The following MAP3K15 variants were observed in gnomAD, a reference collection of about 807,000 sequenced individuals.
MAP3K15 encodes the protein mitogen-activated protein kinase kinase kinase 15, also known as MAPK/ERK kinase kinase 15.
In MAP3K15, 124 loss-of-function variants were observed where a neutral mutation model predicts 99.5. That is an observed-to-expected ratio of 1.25 (90% CI 1.08 to 1.45). MAP3K15 has a LOEUF of 1.45. Ranked by LOEUF, MAP3K15 falls within the 40% of genes most tolerant of loss-of-function variation. MAP3K15 has a pLI of 0.00. For missense variants in MAP3K15, 1,242 were observed against 1,079.7 expected (o/e 1.15, Z -2.11); for synonymous variants, 494 against 439.6 (o/e 1.12, Z -1.55).
Position 19,407,503 on chromosome X carries a change from G to T in MAP3K15, c.1749-220C>A, listed in dbSNP as rs184560056. ...TGTATTTATCAACTGACCTTAATAT[G>T]AACTTACTCTTAATATAATTCAGTG... is the stretch of plus-strand genomic sequence containing the variant. On this transcript the variant is annotated intron_variant, in intron 12 of 28. Transcript: ENST00000338883. Among the ~76,000 whole-genome samples the T allele has an allele frequency of 4.7e-4, 53 of 111,706 alleles. 1 individual carries two copies. The highest frequency in any genetic ancestry group is 1.9e-4 in the Non-Finnish European group (10 of 53,188).
chrX:19,382,845 T>G (rs1203967747), intron 18 of MAP3K15, among the ~76,000 whole-genome samples: 2 of 112,420 alleles, frequency 1.8e-5, no homozygotes, highest in Admixed American at 1.9e-4. Flanking sequence ...GATCCGATAC[T>G]GTGCTGCTTA....
chrX:19,393,658 G>T (rs1338837752), intron 16 of MAP3K15, among the ~76,000 whole-genome samples: 4 of 105,567 alleles, frequency 3.8e-5, no homozygotes, highest in African/African-American at 1.4e-4. Flanking sequence ...AGAAAAAGCA[G>T]CAATGGACGA....
intron 6 of MAP3K15, among the ~76,000 whole-genome samples, chrX:19,451,701 A>G (rs956227448): frequency 1.6e-4 from 18 of 110,108 alleles, no homozygotes; most frequent in South Asian, 3.9e-4. Flanking sequence ...AGGATTGGAG[A>G]AACTGTACAC....
intron 18 of MAP3K15, among the ~76,000 whole-genome samples, chrX:19,384,749 GAAAAAAAAAAAAAAAAA>G (rs34619145): frequency 4.0e-4 from 9 of 22,559 alleles, no homozygotes; most frequent in Admixed American, 1.3e-3. Context: ...TGTCTCAGGG[GAAAAAAAAAAAAAAAAA>G]AAAAAAAAAA....
chrX:19,443,318 C>A (rs2063973402), intron 6 of MAP3K15, among the ~76,000 whole-genome samples: 1 of 111,371 alleles, frequency 9.0e-6, no homozygotes, highest in Non-Finnish European at 1.9e-5. Context: ...CAGGCATGAG[C>A]CACTGCGCCC....
chrX:19,397,435 A>T (rs571397942), intron 15 of MAP3K15, among the ~76,000 whole-genome samples: 1 of 111,348 alleles, frequency 9.0e-6, no homozygotes, highest in East Asian at 2.8e-4. Context: ...ATAACCCAGT[A>T]ATATTTAAAA....
chrX:19,426,818 C>CAAAAAAAAAAAAAA lies in MAP3K15; in HGVS notation c.1167-489_1167-476dup, dbSNP rs746106862. Among the ~76,000 whole-genome samples, 70 of 21,147 alleles carry CAAAAAAAAAAAAAA rather than the reference C, an allele frequency of 3.3e-3. 9 individuals are homozygous for CAAAAAAAAAAAAAA. Among genetic ancestry groups the CAAAAAAAAAAAAAA allele is most frequent in the Middle Eastern group, 0.042 (1 of 24 alleles). The allele number at this position is 21,147 out of a possible 115,157, so 18.4% of individuals were successfully genotyped here. On this transcript the variant is annotated intron_variant, in intron 7 of 28. Transcript: ENST00000338883. Reference sequence around the variant, plus strand: ...GGGTGACAGAGCGAGAATCTGTCTCCAAAAAAAAAAAAAAAAAAAAAAAAA... The same window carrying CAAAAAAAAAAAAAA: ...GGGTGACAGAGCGAGAATCTGTCTCCAAAAAAAAAAAAAAAAAAAAAAAAAAAAAAAAAAAAAAA...
intron 6 of MAP3K15, among the ~76,000 whole-genome samples, chrX:19,456,616 A>G (rs2064094984): frequency 8.9e-6 from 1 of 112,209 alleles, no homozygotes; most frequent in Non-Finnish European, 1.9e-5. Flanking sequence ...ACTGACTGCA[A>G]ATTTTACCGA....
At chrX:19,422,353 A>G (rs1314701453) in intron 9 of MAP3K15, among the ~76,000 whole-genome samples, 1 of 112,061 alleles carries the variant, frequency 8.9e-6, no homozygotes, top group Non-Finnish European at 1.9e-5. Context: ...AAACAATCCC[A>G]TCAAAAAGTG....
At chrX:19,370,649 G>A (rs1040632415) in intron 24 of MAP3K15, among the ~76,000 whole-genome samples, 4 of 107,455 alleles carry the variant, frequency 3.7e-5, no homozygotes, top group Admixed American at 1.0e-4. Flanking sequence ...TGCCCACCTC[G>A]TCCTCCCAAA....
intron 18 of MAP3K15, among the ~76,000 whole-genome samples, chrX:19,391,674 C>CAAAAAAAAAAAAAAAAAAAAA (rs759061873): frequency 1.2e-3 from 34 of 28,324 alleles, no homozygotes; most frequent in East Asian, 2.5e-3. Context: ...GACCCCGTCT[C>CAAAAAAAAAAAAAAAAAAAAA]AAAAAAAAAA....
rs945776661 is a variant in MAP3K15, at chrX:19,373,651, G to A, written c.2818C>T (p.Pro940Ser). 2.5e-6 allele frequency: 3 copies of A among 1,201,467 alleles called. No individual in the cohort carries two copies. The East Asian group carries it at 8.9e-5, about 36-fold the overall frequency. ...VVLALPTQGE[P>S]MATSSSEHGS... ...TGCTCGCTGCTGCTGGTGGCCATGG[G>A]CTCTCCCTGTGTGGGCAGGGCCAGG... The change falls in exon 21 of 29, where the codon CCC (proline) becomes TCC (serine). Residue 940 changes from proline (P) to serine (S), a missense_variant. Coordinates refer to ENST00000338883, the MANE Select transcript of MAP3K15 (RefSeq NM_001001671.4).
At chrX:19,462,416 A>G (rs2064139234) in intron 4 of MAP3K15, among the ~76,000 whole-genome samples, 1 of 112,352 alleles carries the variant, frequency 8.9e-6, no homozygotes. Flanking sequence ...CACTAATTGA[A>G]TGAGTCATTA....
intron 4 of MAP3K15, among the ~76,000 whole-genome samples, chrX:19,463,813 A>G (rs2064147154): frequency 9.0e-6 from 1 of 111,298 alleles, no homozygotes; most frequent in South Asian, 3.8e-4. Flanking sequence ...TTGCTGAGAT[A>G]TATGAAGAGC....
intron 3 of MAP3K15, among the ~76,000 whole-genome samples, chrX:19,481,313 A>G (rs2064288631): frequency 9.3e-6 from 1 of 107,911 alleles, no homozygotes; most frequent in Non-Finnish European, 1.9e-5. Flanking sequence ...CAGTGCTGGG[A>G]CAACTAGGGA....
rs1486581418 is a variant in MAP3K15, at chrX:19,474,553, G to GC, written c.526-10148_526-10147insG. Among the ~76,000 whole-genome samples, 2 of 91,696 alleles carry GC rather than the reference G, an allele frequency of 2.2e-5. 1 individual carries two copies. The highest frequency in any genetic ancestry group is 4.4e-5 in the Non-Finnish European group (2 of 45,329). The allele number at this position is 91,696 out of a possible 115,157, so 79.6% of individuals were successfully genotyped here. On this transcript the variant is annotated intron_variant, in intron 3 of 28. Coordinates refer to ENST00000338883, the MANE Select transcript of MAP3K15 (RefSeq NM_001001671.4). The stretch of plus-strand genomic sequence containing the variant: ...GTCATTCTTGGAGGTTGGGGGGGGG[G>GC]GTCTGTGAACTTGAAAGAGAAAAAA...
At chrX:19,401,370 TG>T (rs1468257974) in intron 13 of MAP3K15, among the ~76,000 whole-genome samples, 1 of 110,339 alleles carries the variant, frequency 9.1e-6, no homozygotes, top group African/African-American at 3.3e-5. Flanking sequence ...GGCTAATTTT[TG>T]TATTTTTTGT....
At chrX:19,363,618 C>T (rs140323044) in intron 25 of MAP3K15, among the ~76,000 whole-genome samples, 6,081 of 109,488 alleles carry the variant, frequency 0.056, 420 homozygotes, top group African/African-American at 0.19. Context: ...AGGGACTAAA[C>T]GAAGGGGACA....
intron 19 of MAP3K15, among the ~76,000 whole-genome samples, chrX:19,376,023 GA>G (rs2063414642): frequency 8.9e-6 from 1 of 111,986 alleles, no homozygotes; most frequent in South Asian, 3.7e-4. Flanking sequence ...ATTCAGGCAA[GA>G]ACATGAAAAG....
Sources: allele counts gnomAD v4.1 joint callset (sites outside exome capture counted in the v4.1 genomes callset), GRCh38; gene constraint gnomAD v4.1.1; transcripts MANE v1.5; gene names NCBI Gene and HGNC (gene_info 2026-07-23, HGNC 2026-07-21).